CNTN1: variants seen among roughly 807,000 people sequenced by gnomAD.
The protein encoded by CNTN1 is contactin-1.
CNTN1 carries 38 observed loss-of-function variants against 126.4 expected under a neutral mutation model. The ratio of observed to expected loss-of-function variants is 0.30; its 90% CI spans 0.23 to 0.39. The LOEUF (loss-of-function observed/expected upper bound fraction) is 0.39, where lower values mean the gene tolerates loss of function less well. Among genes scored for constraint, CNTN1 ranks in the 10% least tolerant of loss-of-function variants. The pLI, the probability that CNTN1 is intolerant of heterozygous loss-of-function variation, is 1.00. For synonymous variants in CNTN1, 413 were observed against 422.6 expected (o/e 0.98, Z 0.28); for missense variants, 1,009 against 1,248.4 (o/e 0.81, Z 2.89).
At chr12:40,800,514 G>C (rs1007863181) in intron 1 of CNTN1, among the ~76,000 whole-genome samples, 1 of 151,862 alleles carries the variant, frequency 6.6e-6, no homozygotes, top group African/African-American at 2.4e-5. Context: ...CTACTGTTAA[G>C]CAATATTTGT....
chr12:41,043,645 C>T (rs1949473314), intron 23 of CNTN1, among the ~76,000 whole-genome samples: 1 of 152,120 alleles, frequency 6.6e-6, no homozygotes, highest in Non-Finnish European at 1.5e-5. Flanking sequence ...CATCCCATTA[C>T]TGGGTATATA....
chr12:40,864,451 C>G (rs2405509), intron 1 of CNTN1, among the ~76,000 whole-genome samples: 14,873 of 152,050 alleles, frequency 0.098, 948 homozygotes, highest in African/African-American at 0.17. Flanking sequence ...CATTTTTATT[C>G]CTTAAAAGAA....
intron 9 of CNTN1, among the ~76,000 whole-genome samples, chr12:40,936,492 C>T (rs1946085349): frequency 6.6e-6 from 1 of 151,944 alleles, no homozygotes; most frequent in Non-Finnish European, 1.5e-5. Flanking sequence ...ATGTTATGAG[C>T]AGAAAAAAAT....
intron 22 of CNTN1, 35 bp from the exon 23 acceptor site, chr12:41,029,028 C>T (rs1333234903): frequency 1.2e-6 from 2 of 1,606,020 alleles, no homozygotes; most frequent in South Asian, 2.2e-5. Flanking sequence ...ATTATTATGA[C>T]TTTACTGCAT....
intron 1 of CNTN1, among the ~76,000 whole-genome samples, chr12:40,902,812 C>A (rs1228116811): frequency 6.6e-6 from 1 of 152,040 alleles, no homozygotes; most frequent in African/African-American, 2.4e-5. Context: ...TTTGGACTAT[C>A]CAGCACCAGA....
chr12:40,889,144 T>C (rs976832891), intron 1 of CNTN1, among the ~76,000 whole-genome samples: 6 of 152,238 alleles, frequency 3.9e-5, no homozygotes, highest in Admixed American at 2.6e-4. Flanking sequence ...CCTATCTGTA[T>C]ACCTGTATTT....
At chr12:40,697,393 AT>A (rs1159255613) in intron 1 of CNTN1, among the ~76,000 whole-genome samples, 1 of 152,076 alleles carries the variant, frequency 6.6e-6, no homozygotes, top group African/African-American at 2.4e-5. Context: ...GGTTCTTTGT[AT>A]TTTTTAATTT....
chr12:41,046,847 CTTTTT>C (rs56655599), intron 23 of CNTN1, among the ~76,000 whole-genome samples: 2 of 118,992 alleles, frequency 1.7e-5, no homozygotes, highest in African/African-American at 6.5e-5. Context: ...TTGCTTATTT[CTTTTT>C]TTTTTTTTTT....
At chr12:41,047,252 C>A (rs1461157942) in intron 23 of CNTN1, among the ~76,000 whole-genome samples, 1 of 152,128 alleles carries the variant, frequency 6.6e-6, no homozygotes, top group East Asian at 1.9e-4. Context: ...TCCAGGTGCC[C>A]ATTTTCTGAC....
chr12:40,998,543 T>C (rs1490355707), intron 17 of CNTN1, among the ~76,000 whole-genome samples: 1 of 152,138 alleles, frequency 6.6e-6, no homozygotes, highest in Non-Finnish European at 1.5e-5. Context: ...TGGTGGATTA[T>C]ATTAGGGGTG....
intron 17 of CNTN1, among the ~76,000 whole-genome samples, chr12:41,007,554 A>C (rs1477791989): frequency 6.6e-6 from 1 of 152,150 alleles, no homozygotes; most frequent in Admixed American, 6.5e-5. Context: ...TTCTCTCTCT[A>C]TAGAGAGAGG....
intron 1 of CNTN1, among the ~76,000 whole-genome samples, chr12:40,789,974 C>T (rs1385325108): frequency 6.6e-6 from 1 of 152,066 alleles, no homozygotes; most frequent in African/African-American, 2.4e-5. Context: ...AACATTTCTT[C>T]TTCCATCTAA....
At chr12:40,694,331 T>C (rs1565608764) in intron 1 of CNTN1, among the ~76,000 whole-genome samples, 2 of 152,232 alleles carry the variant, frequency 1.3e-5, no homozygotes, top group Non-Finnish European at 2.9e-5. Context: ...CTTTCTTTTA[T>C]AGATTGATGT....
intron 23 of CNTN1, among the ~76,000 whole-genome samples, chr12:41,066,555 T>A (rs1202076997): frequency 6.6e-6 from 1 of 152,184 alleles, no homozygotes; most frequent in Admixed American, 6.5e-5. Context: ...GTTCATAATA[T>A]AGAGATATTA....
Position 40,906,487 on chromosome 12 carries a change from C to G in CNTN1, c.-76-1870C>G, listed in dbSNP as rs965169111. Among the ~76,000 whole-genome samples, 22 of 152,054 alleles carry G rather than the reference C, an allele frequency of 1.4e-4. 1 individual carries two copies. The highest frequency in any genetic ancestry group is 1.4e-3 in the Admixed American group (21 of 15,274). On this transcript the variant is annotated intron_variant, in intron 1 of 23. Coordinates refer to ENST00000551295, the MANE Select transcript of CNTN1 (RefSeq NM_001843.4). ...GCCAAATGCTAGGATTCTTGCAAAT[C>G]AGGGAGTATATGTGTTCTCAAAATC...
At chr12:40,994,225 A>G (rs767854986) in intron 17 of CNTN1, among the ~76,000 whole-genome samples, 3 of 152,134 alleles carry the variant, frequency 2.0e-5, no homozygotes, top group Non-Finnish European at 2.9e-5. Flanking sequence ...ATCTATTATC[A>G]GTGTCAAAGA....
At position 41,070,320 on chromosome 12, in the gene CNTN1, A is replaced by G; in HGVS notation, c.*285A>G. The G allele has an allele frequency of 2.2e-6, 1 of 460,740 alleles. No individual in the cohort carries two copies. Among genetic ancestry groups the G allele is most frequent in the Non-Finnish European group, 4.0e-6 (1 of 249,736 alleles). The allele number at this position is 460,740 out of a possible 1,614,324, so 28.5% of individuals were successfully genotyped here. A position where few individuals can be genotyped will look rare whatever the true frequency, so the allele number is the denominator to read the frequency against. ...TGTGACAGTTGCATGATTTAACCCA[A>G]TGGGACAAGTTACAGTGTTCAATTC... On this transcript the variant is annotated 3_prime_UTR_variant, in exon 24 of 24. Coordinates refer to ENST00000551295, the MANE Select transcript of CNTN1 (RefSeq NM_001843.4).
chr12:40,722,859 G>C (rs1382210003), intron 1 of CNTN1, among the ~76,000 whole-genome samples: 1 of 152,018 alleles, frequency 6.6e-6, no homozygotes, highest in African/African-American at 2.4e-5. Context: ...TGTATATAAG[G>C]CAGTAAAATT....
intron 1 of CNTN1, among the ~76,000 whole-genome samples, chr12:40,813,037 TC>T (rs1169933830): frequency 0.035 from 1,147 of 32,372 alleles, 31 homozygotes; most frequent in African/African-American, 0.059. Context: ...TCTCTTTCTT[TC>T]CTTTCTTTCT....
Sources: allele counts gnomAD v4.1 joint callset (sites outside exome capture counted in the v4.1 genomes callset), GRCh38; gene constraint gnomAD v4.1.1; transcripts MANE v1.5; gene names NCBI Gene and HGNC (gene_info 2026-07-23, HGNC 2026-07-21).